The following PDE3B variants were observed in gnomAD, a reference collection of about 807,000 sequenced individuals.
PDE3B encodes phosphodiesterase 3B.
In PDE3B, 66 loss-of-function variants were observed where a neutral mutation model predicts 116.8. The observed-to-expected ratio is 0.56, with a 90% CI of 0.46 to 0.69. The LOEUF (loss-of-function observed/expected upper bound fraction) is 0.69. Ranked by LOEUF, PDE3B falls within the 30% of genes least tolerant of loss-of-function variation. The pLI is 0.00. For missense variants in PDE3B, 1,384 were observed against 1,368.1 expected, an observed-to-expected ratio of 1.01 and a Z score of -0.18; for synonymous variants, 595 against 533.6, an observed-to-expected ratio of 1.12 and a Z score of -1.59.
intron 1 of PDE3B, among the ~76,000 whole-genome samples, chr11:14,666,990 T>A (rs888589966): frequency 1.3e-5 from 2 of 151,888 alleles, no homozygotes; most frequent in African/African-American, 4.8e-5. Flanking sequence ...CACACGTATG[T>A]TTATTGCGGC....
At chr11:14,845,323 C>T (rs527951192) in intron 12 of PDE3B, among the ~76,000 whole-genome samples, 2 of 151,660 alleles carry the variant, frequency 1.3e-5, no homozygotes, top group Non-Finnish European at 3.0e-5. Context: ...GACATCCACA[C>T]CAAAAACCCA....
intron 4 of PDE3B, among the ~76,000 whole-genome samples, chr11:14,789,570 A>G (rs1858320914): frequency 6.6e-6 from 1 of 152,024 alleles, no homozygotes; most frequent in Non-Finnish European, 1.5e-5. Flanking sequence ...AGGGTTAGCC[A>G]CCAATCCAAT....
intron 12 of PDE3B, among the ~76,000 whole-genome samples, chr11:14,853,158 A>ACCT (rs1164368157): frequency 3.3e-5 from 5 of 151,656 alleles, no homozygotes; most frequent in Middle Eastern, 3.4e-3. Context: ...GCATTTTGTC[A>ACCT]CCTCCTTCCA....
chr11:14,829,650 T>C (rs1000200592), intron 7 of PDE3B, among the ~76,000 whole-genome samples: 2 of 151,828 alleles, frequency 1.3e-5, no homozygotes, highest in Non-Finnish European at 2.9e-5. Context: ...CGAGAACACA[T>C]GGACATAAAG....
chr11:14,807,365 A>G (rs1040822449), intron 5 of PDE3B, among the ~76,000 whole-genome samples: 2 of 152,212 alleles, frequency 1.3e-5, no homozygotes, highest in Non-Finnish European at 2.9e-5. Flanking sequence ...TCAAGGGGTA[A>G]ATGGAATTAA....
intron 7 of PDE3B, among the ~76,000 whole-genome samples, chr11:14,819,837 G>A (rs1859462238): frequency 1.3e-5 from 2 of 152,094 alleles, no homozygotes; most frequent in African/African-American, 4.8e-5. Flanking sequence ...CTCCAAGAAA[G>A]TGAGCCTGGA....
At chr11:14,833,453 T>C (rs1048179634) in intron 10 of PDE3B, among the ~76,000 whole-genome samples, 4 of 152,224 alleles carry the variant, frequency 2.6e-5, no homozygotes, top group South Asian at 4.1e-4. Flanking sequence ...CTGGTTGTTA[T>C]ACAGTATACA....
intron 12 of PDE3B, among the ~76,000 whole-genome samples, chr11:14,845,136 C>T (rs1327657888): frequency 6.6e-6 from 1 of 151,914 alleles, no homozygotes; most frequent in Non-Finnish European, 1.5e-5. Flanking sequence ...TCCTCCGAGA[C>T]AAAACTTCCA....
At chr11:14,689,076 A>G (rs977186646) in intron 1 of PDE3B, among the ~76,000 whole-genome samples, 6 of 152,160 alleles carry the variant, frequency 3.9e-5, no homozygotes, top group Admixed American at 2.0e-4. Context: ...TGCGTCCCAC[A>G]TATTTGTTTT....
At chr11:14,740,751 C>T (rs968153082) in intron 1 of PDE3B, among the ~76,000 whole-genome samples, 1 of 151,998 alleles carries the variant, frequency 6.6e-6, no homozygotes, top group African/African-American at 2.4e-5. Context: ...TCTGTAAATT[C>T]CTCTCTAAAC....
intron 1 of PDE3B, among the ~76,000 whole-genome samples, chr11:14,740,840 G>T (rs948108443): frequency 6.6e-6 from 1 of 152,152 alleles, no homozygotes; most frequent in Non-Finnish European, 1.5e-5. Context: ...ATTCATTTCT[G>T]CCTTAATTTC....
At chr11:14,699,344 G>A (rs1442646984) in intron 1 of PDE3B, 2 of 151,734 alleles carry the variant, frequency 1.3e-5, no homozygotes, top group Non-Finnish European at 1.5e-5. Flanking sequence ...TCATACAAGG[G>A]AAATATAAGG....
intron 1 of PDE3B, among the ~76,000 whole-genome samples, chr11:14,759,140 C>T (rs1034740555): frequency 7.9e-5 from 12 of 152,062 alleles, no homozygotes; most frequent in Non-Finnish European, 1.5e-4. Flanking sequence ...GGTGGATAAG[C>T]TTTTTGATGT....
At chr11:14,862,078 A>G (rs1590201527) in intron 14 of PDE3B, among the ~76,000 whole-genome samples, 1 of 152,336 alleles carries the variant, frequency 6.6e-6, no homozygotes, top group East Asian at 1.9e-4. Context: ...CTCTTAGTGC[A>G]CATGCTTGAG....
intron 13 of PDE3B, among the ~76,000 whole-genome samples, chr11:14,859,725 C>T (rs536797668): frequency 1.3e-5 from 2 of 152,082 alleles, no homozygotes; most frequent in African/African-American, 4.8e-5. Flanking sequence ...GAAAAGGAAG[C>T]ACCCTCTTCT....
chr11:14,885,660 A>C, the PDE3B span: 1 of 1,125,042 alleles, frequency 8.9e-7, no homozygotes. Context: ...TCTGTAAATA[A>C]ATAGTTTCTT....
chr11:14,821,711 TTAA>T (rs1357284738), intron 7 of PDE3B, among the ~76,000 whole-genome samples: 1 of 152,176 alleles, frequency 6.6e-6, no homozygotes, highest in Non-Finnish European at 1.5e-5. Flanking sequence ...ATCTAATCAA[TTAA>T]TGATTGGTAT....
chr11:14,745,060 A>T (rs1262195870), intron 1 of PDE3B, among the ~76,000 whole-genome samples: 1 of 152,120 alleles, frequency 6.6e-6, no homozygotes, highest in Non-Finnish European at 1.5e-5. Flanking sequence ...CCTGAGATCA[A>T]GCGATCCTCC....
At chr11:14,770,318 G>C (rs1053656380) in intron 1 of PDE3B, among the ~76,000 whole-genome samples, 7 of 151,414 alleles carry the variant, frequency 4.6e-5, no homozygotes, top group African/African-American at 1.5e-4. Context: ...GAATAGGGTA[G>C]TTGACATTCT....
Sources: allele counts gnomAD v4.1 joint callset (sites outside exome capture counted in the v4.1 genomes callset), GRCh38; gene constraint gnomAD v4.1.1; transcripts MANE v1.5; gene names NCBI Gene and HGNC (gene_info 2026-07-23, HGNC 2026-07-21).